CALN1: variants seen among roughly 807,000 people sequenced by gnomAD.
CALN1 encodes the protein calneuron 1, also known as calcium-binding protein 8.
In CALN1, 17 loss-of-function variants were observed where a neutral mutation model predicts 30.6. The observed-to-expected ratio is 0.56, with a 90% CI of 0.38 to 0.83. CALN1 has a LOEUF of 0.83. Among genes scored for constraint, CALN1 ranks in the 40% least tolerant of loss-of-function variants. CALN1 has a pLI of 0.00. For missense variants in CALN1, 291 were observed against 354.9 expected (o/e 0.82, Z 1.45); for synonymous variants, 156 against 131.4 (o/e 1.19, Z -1.28).
chr7:72,482,390 A>G, the CALN1 span, among the ~76,000 whole-genome samples: 1 of 152,144 alleles, frequency 6.6e-6, no homozygotes, highest in African/African-American at 2.4e-5. Flanking sequence ...GTCTAAGCCT[A>G]TCATGATAAT....
At chr7:72,201,857 A>G (rs1791456472) in intron 3 of CALN1, among the ~76,000 whole-genome samples, 1 of 152,142 alleles carries the variant, frequency 6.6e-6, no homozygotes, top group Admixed American at 6.6e-5. Context: ...AACTCACCAT[A>G]CATCACCCAA....
rs79388167 is a variant in CALN1 at position 72,400,172 on chromosome 7, C to G, written c.119+3079G>C. On this transcript the variant is annotated intron_variant, in intron 2 of 6. Coordinates refer to ENST00000395275, the MANE Select transcript of CALN1 (RefSeq NM_031468.4). The stretch of plus-strand genomic sequence containing the variant: ...ATGGGGGTGAGGAGGCACCCCGCTT[C>G]TCTAGTCATTCCCCCTCCCCATCTT... Among the ~76,000 whole-genome samples the G allele has an allele frequency of 1.3e-3, 201 of 152,276 alleles. 3 individuals carry two copies. The East Asian group carries it at 0.027, about 20-fold the overall frequency.
chr7:72,444,172 G>T (rs545323388), intron 1 of CALN1, among the ~76,000 whole-genome samples: 40 of 151,774 alleles, frequency 2.6e-4, no homozygotes, highest in Middle Eastern at 3.2e-3. Context: ...ATTCAGAGCG[G>T]TTATCCCGTT....
intron 3 of CALN1, among the ~76,000 whole-genome samples, chr7:72,271,575 A>AAAAAAAATATATATATATATATATAT: frequency 6.7e-4 from 35 of 52,114 alleles, no homozygotes; most frequent in South Asian, 1.2e-3. Context: ...AAAAAAAAAA[A>AAAAAAAATATATATATATATATATAT]ATATATATAT....
chr7:71,973,453 G>C (rs1225565560), intron 5 of CALN1, among the ~76,000 whole-genome samples: 3 of 152,198 alleles, frequency 2.0e-5, no homozygotes, highest in Non-Finnish European at 4.4e-5. Flanking sequence ...TGGGATTAGA[G>C]GCGTGAGCCA....
At chr7:71,813,658 G>A (rs1041234578) in intron 5 of CALN1, among the ~76,000 whole-genome samples, 7 of 152,098 alleles carry the variant, frequency 4.6e-5, no homozygotes, top group Admixed American at 2.0e-4. Flanking sequence ...GGCCGGGCGC[G>A]GTGGCTCACG....
chr7:71,934,223 A>G (rs781078758), intron 5 of CALN1, among the ~76,000 whole-genome samples: 18 of 152,230 alleles, frequency 1.2e-4, no homozygotes, highest in African/African-American at 3.4e-4. Context: ...ATAATATTCA[A>G]TGAGAATTGT....
At chr7:71,795,434 T>C (rs1786839734) in intron 6 of CALN1, among the ~76,000 whole-genome samples, 1 of 152,240 alleles carries the variant, frequency 6.6e-6, no homozygotes, top group Non-Finnish European at 1.5e-5. Flanking sequence ...TTTGTTGTAA[T>C]GATCTAGCTT....
chr7:72,454,311 AGGGAGAC>A, the CALN1 span, among the ~76,000 whole-genome samples: 28 of 152,100 alleles, frequency 1.8e-4, no homozygotes, highest in African/African-American at 6.3e-4. Context: ...CACTGGGAGG[AGGGAGAC>A]CATCAGGGGT....
intron 3 of CALN1, among the ~76,000 whole-genome samples, chr7:72,230,692 C>T (rs977938308): frequency 6.6e-6 from 1 of 152,158 alleles, no homozygotes; most frequent in Admixed American, 6.5e-5. Context: ...GAATGTAGCC[C>T]TGATAATATC....
chr7:72,049,082 T>A (rs1198876789), intron 4 of CALN1, among the ~76,000 whole-genome samples: 6 of 152,136 alleles, frequency 3.9e-5, no homozygotes, highest in Non-Finnish European at 8.8e-5. Flanking sequence ...GTGCTGGGAT[T>A]ATCGGTGTGA....
intron 6 of CALN1, among the ~76,000 whole-genome samples, chr7:71,791,826 G>T (rs977287311): frequency 1.3e-5 from 2 of 152,148 alleles, no homozygotes; most frequent in Non-Finnish European, 2.9e-5. Flanking sequence ...TGGCTAACAC[G>T]GTGAAACCCT....
chr7:71,995,445 CCTCA>C (rs1251473541), intron 5 of CALN1, among the ~76,000 whole-genome samples: 1 of 152,172 alleles, frequency 6.6e-6, no homozygotes, highest in Non-Finnish European at 1.5e-5. Flanking sequence ...ATTCCTTTAG[CCTCA>C]CTATCTGCCT....
At chr7:72,100,080 G>A (rs33986788) in intron 4 of CALN1, among the ~76,000 whole-genome samples, 34,550 of 152,028 alleles carry the variant, frequency 0.23, 4,874 homozygotes, top group East Asian at 0.69. Context: ...CACAAGCTGG[G>A]GTCCAATGAG....
At chr7:72,503,368 T>C in the CALN1 span, among the ~76,000 whole-genome samples, 1 of 151,708 alleles carries the variant, frequency 6.6e-6, no homozygotes, top group Non-Finnish European at 1.5e-5. Flanking sequence ...TTCAATGCTG[T>C]GCCATCAGGG....
intron 4 of CALN1, among the ~76,000 whole-genome samples, chr7:72,050,368 G>A (rs893119545): frequency 6.6e-6 from 1 of 152,002 alleles, no homozygotes; most frequent in African/African-American, 2.4e-5. Flanking sequence ...ACAGAATGCT[G>A]TAGGAAAAAA....
At chr7:72,141,329 G>C (rs941728117) in intron 3 of CALN1, among the ~76,000 whole-genome samples, 2 of 152,114 alleles carry the variant, frequency 1.3e-5, no homozygotes, top group Admixed American at 6.5e-5. Flanking sequence ...GCCAGGTGCA[G>C]TGGCTCACAC....
intron 3 of CALN1, among the ~76,000 whole-genome samples, chr7:72,152,508 G>A (rs1025116681): frequency 1.3e-5 from 2 of 152,132 alleles, no homozygotes; most frequent in Non-Finnish European, 2.9e-5. Context: ...GATGACTAGT[G>A]ACCAGTTTGA....
intron 1 of CALN1, among the ~76,000 whole-genome samples, chr7:72,443,129 C>T (rs746745876): frequency 3.2e-4 from 48 of 152,204 alleles, no homozygotes; most frequent in Non-Finnish European, 5.7e-4. Flanking sequence ...CTCAGGACCT[C>T]GTCCTCCTCC....
Sources: allele counts gnomAD v4.1 joint callset (sites outside exome capture counted in the v4.1 genomes callset), GRCh38; gene constraint gnomAD v4.1.1; transcripts MANE v1.5; gene names NCBI Gene and HGNC (gene_info 2026-07-23, HGNC 2026-07-21).